Variants in UBR3 observed in about 807,000 individuals in gnomAD.
UBR3 encodes E3 ubiquitin-protein ligase UBR3.
A neutral mutation model predicts 243.2 loss-of-function variants in UBR3; 85 were observed. The ratio of observed to expected loss-of-function variants is 0.35; its 90% CI spans 0.29 to 0.42. UBR3 has a LOEUF of 0.42. Among genes scored for constraint, UBR3 ranks in the 10% least tolerant of loss-of-function variants. The pLI, the probability that UBR3 is intolerant of heterozygous loss-of-function variation, is 1.00. For missense variants in UBR3, 1,686 were observed against 2,300.8 expected, an observed-to-expected ratio of 0.73 and a Z score of 5.47; for synonymous variants, 748 against 799.8, an observed-to-expected ratio of 0.94 and a Z score of 1.09.
chr2:170,062,883 C>G (rs1428452336), intron 35 of UBR3, among the ~76,000 whole-genome samples: 1 of 152,024 alleles, frequency 6.6e-6, no homozygotes, highest in Non-Finnish European at 1.5e-5. Flanking sequence ...ATATTTAGAC[C>G]AAGAAAGAAA....
At chr2:169,930,932 C>T (rs772730686) in intron 18 of UBR3, among the ~76,000 whole-genome samples, 1 of 152,080 alleles carries the variant, frequency 6.6e-6, no homozygotes, top group Non-Finnish European at 1.5e-5. Flanking sequence ...TAATTCAGCT[C>T]CATGGAACAC....
chr2:169,864,093 T>C (rs1482533640), intron 1 of UBR3, among the ~76,000 whole-genome samples: 4 of 152,092 alleles, frequency 2.6e-5, no homozygotes, highest in Non-Finnish European at 4.4e-5. Context: ...TCATCCAGAA[T>C]GGAGTGCAGT....
intron 26 of UBR3, among the ~76,000 whole-genome samples, chr2:169,995,560 A>T (rs149646038): frequency 6.6e-6 from 1 of 152,180 alleles, no homozygotes; most frequent in Non-Finnish European, 1.5e-5. Flanking sequence ...GTTTCCAAGA[A>T]CCTACTGATA....
intron 20 of UBR3, among the ~76,000 whole-genome samples, chr2:169,943,747 TAAAAG>T (rs1313655369): frequency 1.3e-5 from 2 of 152,176 alleles, no homozygotes; most frequent in Non-Finnish European, 2.9e-5. Context: ...AATTAAAAAT[TAAAAG>T]AAATTCAAAG....
intron 32 of UBR3, among the ~76,000 whole-genome samples, chr2:170,047,876 C>T (rs1436858477): frequency 6.6e-6 from 1 of 152,164 alleles, no homozygotes; most frequent in African/African-American, 2.4e-5. Context: ...ACCCATTAGT[C>T]ATTTAGTGGC....
intron 6 of UBR3, among the ~76,000 whole-genome samples, chr2:169,894,655 G>A (rs905493996): frequency 6.6e-6 from 1 of 152,144 alleles, no homozygotes; most frequent in Non-Finnish European, 1.5e-5. Context: ...GATGTGGTAT[G>A]AACACATTAT....
intron 31 of UBR3, among the ~76,000 whole-genome samples, chr2:170,030,996 T>C (rs1574422307): frequency 6.6e-6 from 1 of 152,310 alleles, no homozygotes; most frequent in East Asian, 1.9e-4. Context: ...GATCTCACTT[T>C]GCTGCCCAGG....
In UBR3 at chr2:169,949,670, C is replaced by A; in HGVS notation, c.3150C>A (p.Ile1050=). 1 of 1,551,074 alleles carries A rather than the reference C, an allele frequency of 6.4e-7. No individual in the cohort carries two copies. Among genetic ancestry groups the A allele is most frequent in the South Asian group, 1.2e-5 (1 of 83,902 alleles). The stretch of plus-strand genomic sequence containing the variant: ...GTAGAAAGAAATTTCAGGAAATCAT[C>A]AATCGCAGTAGCAGTGAAGCAAATC... ...AERRKKFQEI[I]NRSSSEANQV... is the part of the protein sequence containing the mutation. Residue 1050 remains isoleucine (I), a synonymous_variant, in exon 23 of 39, where the codon ATC becomes ATA. Coordinates refer to ENST00000272793, the MANE Select transcript of UBR3 (RefSeq NM_172070.4).
chr2:170,019,102 A>C (rs924148077), intron 30 of UBR3, among the ~76,000 whole-genome samples: 13 of 152,328 alleles, frequency 8.5e-5, no homozygotes, highest in Admixed American at 2.6e-4. Flanking sequence ...TTAACTAAGA[A>C]ACCACAGTTC....
chr2:169,995,727 T>A (rs2089454420), intron 26 of UBR3, among the ~76,000 whole-genome samples: 1 of 152,248 alleles, frequency 6.6e-6, no homozygotes, highest in Non-Finnish European at 1.5e-5. Context: ...AGGATGGATT[T>A]GATTCATATC....
intron 5 of UBR3, among the ~76,000 whole-genome samples, chr2:169,890,555 A>ATATGTGTGTGTATATATATATG: frequency 1.4e-5 from 1 of 71,430 alleles, no homozygotes; most frequent in East Asian, 4.6e-4. Context: ...ATATATATAT[A>ATATGTGTGTGTATATATATATG]TATATATATG....
At chr2:170,073,666 A>AT in intron 36 of UBR3, 59 bp downstream of exon 36, 3 of 1,536,734 alleles carry the variant, frequency 2.0e-6, no homozygotes, top group Non-Finnish European at 2.6e-6. Flanking sequence ...AGGTAAGAGA[A>AT]TAATGAGGAC....
intron 1 of UBR3, among the ~76,000 whole-genome samples, chr2:169,838,607 A>AGTTTCAAT (rs2082192094): frequency 6.6e-6 from 1 of 152,166 alleles, no homozygotes; most frequent in South Asian, 2.1e-4. Context: ...GTGGAGATTA[A>AGTTTCAAT]GTTTCAATGT....
chr2:169,883,660 A>T (rs1231011914), intron 5 of UBR3, among the ~76,000 whole-genome samples: 1 of 152,194 alleles, frequency 6.6e-6, no homozygotes, highest in Non-Finnish European at 1.5e-5. Context: ...ATTTCTTATA[A>T]ATTTTCTATC....
chr2:169,988,305 C>T lies in UBR3; in HGVS notation c.3784+1511C>T, dbSNP rs117673660. On this transcript the variant is annotated intron_variant, in intron 25 of 38. Transcript: ENST00000272793. ...TGTCAGGCACTGTTCTAGTAAGAGA[C>T]AAAACAAAATCCCTGCTCCAGTGAA... Among the ~76,000 whole-genome samples the T allele has an allele frequency of 3.3e-3, 499 of 152,294 alleles. 8 individuals carry two copies. Among genetic ancestry groups the T allele is most frequent in the East Asian group, 0.025 (129 of 5,192 alleles).
intron 25 of UBR3, 70 bp from the exon 26 acceptor site, chr2:169,994,253 G>T: frequency 6.6e-7 from 1 of 1,516,160 alleles, no homozygotes; most frequent in East Asian, 2.3e-5. Context: ...AAATAACTCA[G>T]CTTTTCTTGG....
At chr2:169,846,041 G>A (rs918076688) in intron 1 of UBR3, among the ~76,000 whole-genome samples, 2 of 151,980 alleles carry the variant, frequency 1.3e-5, no homozygotes, top group African/African-American at 4.8e-5. Context: ...TCTGTTGTGG[G>A]GTGTAGTGTT....
intron 29 of UBR3, among the ~76,000 whole-genome samples, chr2:170,012,011 T>A (rs372805855): frequency 1.3e-5 from 2 of 152,220 alleles, no homozygotes; most frequent in African/African-American, 4.8e-5. Flanking sequence ...GCAGGTGGTT[T>A]GTATAGAGAA....
At chr2:169,951,838 T>TA (rs563365181) in intron 23 of UBR3, among the ~76,000 whole-genome samples, 1 of 152,110 alleles carries the variant, frequency 6.6e-6, no homozygotes, top group Non-Finnish European at 1.5e-5. Flanking sequence ...TACAAGTTGT[T>TA]AGACTCAGTC....
Sources: gnomAD v4.1 joint callset for allele counts (sites outside exome capture counted in the v4.1 genomes callset) on GRCh38, gnomAD v4.1.1 for gene constraint, MANE v1.5 for transcripts, NCBI Gene and HGNC (gene_info 2026-07-23, HGNC 2026-07-21) for gene names.